Variants in GRHPR observed in about 807,000 individuals in gnomAD.
The protein encoded by GRHPR is glyoxylate and hydroxypyruvate reductase, also known as glyoxylate reductase/hydroxypyruvate reductase.
Under a neutral mutation model 36.8 loss-of-function variants are expected in GRHPR, and 35 were observed. The ratio of observed to expected loss-of-function variants is 0.95; its 90% CI spans 0.73 to 1.26. The LOEUF (loss-of-function observed/expected upper bound fraction) is 1.26, where lower values mean the gene tolerates loss of function less well. Ranked by LOEUF, GRHPR falls within the 50% of genes most tolerant of loss-of-function variation. The pLI, the probability that GRHPR is intolerant of heterozygous loss-of-function variation, is 0.00. For synonymous variants in GRHPR, 179 were observed against 181.0 expected (o/e 0.99, Z 0.09); for missense variants, 380 against 435.0 (o/e 0.87, Z 1.12).
At chr9:37,426,979 C>T (rs969954155) in intron 4 of GRHPR, among the ~76,000 whole-genome samples, 5 of 152,098 alleles carry the variant, frequency 3.3e-5, no homozygotes, top group African/African-American at 4.8e-5. Flanking sequence ...AAGTGAACGC[C>T]TGGCAGGAAC....
chr9:37,438,939 G>A (rs763863155), downstream of GRHPR: 1 of 152,196 alleles, frequency 6.6e-6, no homozygotes, highest in African/African-American at 2.4e-5. Flanking sequence ...CCACACATGT[G>A]TAACTGCACA....
Position 37,432,791 on chromosome 9 carries a change from AT to A in GRHPR, c.865+655del, listed in dbSNP as rs371686229. 154 of 155,076 alleles carry A rather than the reference AT, an allele frequency of 9.9e-4. 3 individuals are homozygous for A. The East Asian group carries it at 0.023, about 23-fold the overall frequency. The allele number at this position is 155,076 out of a possible 1,614,324, so 9.6% of individuals were successfully genotyped here. ...GCTATTACCAGTTTAGCTGTGAAAA[AT>A]TAAAAGTGTAATGACAATGCCAATA... On this transcript the variant is annotated intron_variant, in intron 8 of 8. Transcript: ENST00000318158.
chr9:37,433,986 G>A (rs1230818639), intron 8 of GRHPR: 9 of 382,844 alleles, frequency 2.4e-5, no homozygotes. Context: ...AGGAGCACTG[G>A]GTGTGATGTC....
chr9:37,429,787 A>G lies in GRHPR; in HGVS notation c.549A>G (p.Thr183=), dbSNP rs1378074373. The G allele has an allele frequency of 1.2e-6, 2 of 1,613,432 alleles. No homozygotes were observed. Among genetic ancestry groups the G allele is most frequent in the East Asian group, 2.2e-5 (1 of 44,886 alleles). Residue 183 remains threonine (T), a synonymous_variant, in exon 6 of 9, where the codon ACA becomes ACG. Transcript: ENST00000318158. ...TCGGTGTCCAGAGATTTCTGTACAC[A>G]GGGCGCCAGCCCAGGCCTGAGGAAG... ...KPFGVQRFLY[T]GRQPRPEEAA... is the part of the protein sequence containing the mutation.
chr9:37,428,432 C>G, intron 4 of GRHPR, 52 bp from the exon 5 acceptor site: 1 of 1,189,662 alleles, frequency 8.4e-7, no homozygotes, highest in Non-Finnish European at 1.3e-6. Context: ...CTCAGCGGCC[C>G]CCATCTTGGT....
At chr9:37,429,592 C>T (rs992167832) in intron 5 of GRHPR, 140 bp from the exon 6 acceptor site, 11 of 752,650 alleles carry the variant, frequency 1.5e-5, no homozygotes, top group African/African-American at 5.1e-5. Flanking sequence ...CCCCCACCCG[C>T]TTTGGAGGAG....
chr9:37,425,059 G>T, intron 2 of GRHPR, 84 bp downstream of exon 2: 8 of 1,410,822 alleles, frequency 5.7e-6, no homozygotes, highest in Non-Finnish European at 7.9e-6. Flanking sequence ...TGGCTGCTCT[G>T]CAGTGCTGTC....
intron 3 of GRHPR, 31 bp downstream of exon 3, chr9:37,426,025 TA>T: frequency 6.9e-7 from 1 of 1,445,538 alleles, no homozygotes; most frequent in Non-Finnish European, 9.7e-7. Flanking sequence ...GGAGGGGGCC[TA>T]GAGAGAGGGG....
At chr9:37,428,740 C>T (rs1219598949) in intron 5 of GRHPR, 168 bp downstream of exon 5, 5 of 703,408 alleles carry the variant, frequency 7.1e-6, no homozygotes, top group African/African-American at 7.0e-5. Context: ...CAGGCAAATA[C>T]ATAAATAAAC....
intron 7 of GRHPR, chr9:37,430,877 C>T (rs751656382): frequency 4.7e-5 from 30 of 637,344 alleles, no homozygotes; most frequent in South Asian, 3.5e-4. Context: ...GTGGCCCCCA[C>T]CCGGCGGGGC....
At chr9:37,425,193 C>T (rs1276476074) in intron 2 of GRHPR, among the ~76,000 whole-genome samples, 4 of 152,202 alleles carry the variant, frequency 2.6e-5, no homozygotes, top group Non-Finnish European at 5.9e-5. Flanking sequence ...GGGCAAAGAC[C>T]GCGGTGTGGA....
chr9:37,430,793 C>A, intron 7 of GRHPR, 147 bp downstream of exon 7: 1 of 770,260 alleles, frequency 1.3e-6, no homozygotes, highest in Non-Finnish European at 2.3e-6. Flanking sequence ...CTCAGAAATT[C>A]GTGGGAATAC....
intron 7 of GRHPR, chr9:37,431,209 G>A (rs1050465793): frequency 2.8e-6 from 1 of 360,492 alleles, no homozygotes; most frequent in Non-Finnish European, 5.6e-6. Flanking sequence ...CCTTGAGCCT[G>A]TTTACATCAG....
In GRHPR at chr9:37,426,518, AC is replaced by A. The variant is rs1229465345; in HGVS notation, c.288-18del. ...AAATATGGTTGAGGCTGATGTTACCACCAGATGTCTGATTCGTAGTGGGATC... is the reference window on the plus strand; with the variant it reads ...AAATATGGTTGAGGCTGATGTTACCACAGATGTCTGATTCGTAGTGGGATC... On this transcript the variant is annotated intron_variant, in intron 3 of 8. Coordinates refer to ENST00000318158, the MANE Select transcript of GRHPR (RefSeq NM_012203.2). 11 of 1,432,372 alleles carry A rather than the reference AC, an allele frequency of 7.7e-6. No homozygotes were observed. The highest frequency in any genetic ancestry group is 1.1e-5 in the Non-Finnish European group (11 of 1,014,196). 88.7% of individuals were successfully genotyped at this position (1,432,372 alleles called of 1,614,324 possible).
chr9:37,428,338 C>T (rs887186059), intron 4 of GRHPR, 146 bp from the exon 5 acceptor site: 10 of 714,340 alleles, frequency 1.4e-5, no homozygotes, highest in South Asian at 5.6e-5. Flanking sequence ...TCTGCAGTGC[C>T]GAGTGGCAGT....
upstream of GRHPR, chr9:37,422,656 TC>T: frequency 1.0e-6 from 1 of 1,004,130 alleles, no homozygotes; most frequent in Non-Finnish European, 1.5e-6. Flanking sequence ...GCGCGACGTC[TC>T]TCCCGCCCAC....
In GRHPR at chr9:37,422,720, T is replaced by C. The variant is rs1822887276; in HGVS notation, c.-31T>C. 9 of 1,524,988 alleles carry C rather than the reference T, an allele frequency of 5.9e-6. No homozygotes were observed. The East Asian group carries it at 1.2e-4, about 21-fold the overall frequency. 94.5% of individuals were successfully genotyped at this position (1,524,988 alleles called of 1,614,324 possible). A position where few individuals can be genotyped will look rare whatever the true frequency, so the allele number is the denominator to read the frequency against. The stretch of plus-strand genomic sequence containing the variant: ...TACATTCCCGGGCCAGCTTCTGTAC[T>C]GCCAGGTCCGGGTCGGCGGCTGCAC... On this transcript the variant is annotated 5_prime_UTR_variant, in exon 1 of 9. Transcript: ENST00000318158.
rs796052078 is a variant in GRHPR, at chr9:37,425,994, G to A, written c.287G>A (p.Arg96His). Reference protein sequence around the residue: ...DHLALDEIKKRGIRVGYTPDV... With the variant: ...DHLALDEIKKHGIRVGYTPDV... ...TTGGCTTTGGATGAAATCAAGAAGC[G>A]GTAACTGCAGCTTGGGATCTGGAGG... Residue 96 changes from arginine (R) to histidine (H), a missense_variant and splice_region_variant, in exon 3 of 9, where the codon CGT becomes CAT. Physicochemically the swap from Arg to His is conservative, Grantham distance 29. Coordinates refer to ENST00000318158, the MANE Select transcript of GRHPR (RefSeq NM_012203.2). The A allele has an allele frequency of 1.2e-5, 19 of 1,601,260 alleles. No homozygotes were observed. The highest frequency in any genetic ancestry group is 2.2e-5 in the East Asian group (1 of 44,814).
intron 7 of GRHPR, 103 bp from the exon 8 acceptor site, chr9:37,431,903 CAG>C: frequency 1.6e-6 from 2 of 1,213,628 alleles, no homozygotes; most frequent in South Asian, 2.5e-5. Flanking sequence ...CTTTAAAAGT[CAG>C]TGCCAAGTGA....
Sources: allele counts gnomAD v4.1 joint callset (sites outside exome capture counted in the v4.1 genomes callset), GRCh38; gene constraint gnomAD v4.1.1; transcripts MANE v1.5; gene names NCBI Gene and HGNC (gene_info 2026-07-23, HGNC 2026-07-21).